Variants in MPZL1 observed in about 807,000 individuals in gnomAD.
MPZL1 encodes myelin protein zero-like protein 1.
A neutral mutation model predicts 29.3 loss-of-function variants in MPZL1; 16 were observed. That is an observed-to-expected ratio of 0.55 (90% CI 0.37 to 0.83). MPZL1 has a LOEUF of 0.83. Among genes scored for constraint, MPZL1 ranks in the 40% least tolerant of loss-of-function variants. The pLI is 0.00. For synonymous variants in MPZL1, 143 were observed against 132.0 expected (o/e 1.08, Z -0.57); for missense variants, 279 against 332.9 (o/e 0.84, Z 1.26).
chr1:167,781,141 A>T (rs1661487644), intron 5 of MPZL1, among the ~76,000 whole-genome samples: 1 of 151,686 alleles, frequency 6.6e-6, no homozygotes, highest in South Asian at 2.1e-4. Flanking sequence ...AGAAATTGAC[A>T]TATTCACAAT....
intron 1 of MPZL1, among the ~76,000 whole-genome samples, chr1:167,739,272 TAC>T (rs1160593524): frequency 1.7e-4 from 15 of 90,010 alleles, no homozygotes; most frequent in African/African-American, 1.1e-3. Context: ...CATACATATA[TAC>T]ATATATACAT....
intron 4 of MPZL1, 162 bp downstream of exon 4, chr1:167,773,530 G>A (rs1475759881): frequency 2.2e-5 from 15 of 696,898 alleles, no homozygotes; most frequent in Non-Finnish European, 3.1e-5. Context: ...ATGGGCAAGT[G>A]GAAATCAGTG....
At chr1:167,767,063 A>G (rs1198011918) in intron 2 of MPZL1, among the ~76,000 whole-genome samples, 3 of 152,228 alleles carry the variant, frequency 2.0e-5, no homozygotes, top group African/African-American at 7.2e-5. Flanking sequence ...GATTTTCTCA[A>G]AGCTTCCCAC....
At chr1:167,781,327 A>G (rs765981784) in intron 5 of MPZL1, among the ~76,000 whole-genome samples, 2 of 152,166 alleles carry the variant, frequency 1.3e-5, no homozygotes, top group African/African-American at 2.4e-5. Flanking sequence ...ATGAAAATTA[A>G]CCAAATATAG....
chr1:167,736,485 TCTC>T (rs1660381070), intron 1 of MPZL1, among the ~76,000 whole-genome samples: 1 of 151,952 alleles, frequency 6.6e-6, no homozygotes, highest in Admixed American at 6.6e-5. Flanking sequence ...TCTATATATC[TCTC>T]CTCCTCAAAC....
At chr1:167,768,876 G>A (rs1326592330) in intron 2 of MPZL1, among the ~76,000 whole-genome samples, 2 of 152,242 alleles carry the variant, frequency 1.3e-5, no homozygotes, top group Non-Finnish European at 2.9e-5. Flanking sequence ...TGGAGATGTT[G>A]TGGGAAGGGA....
At chr1:167,736,992 T>C (rs537348158) in intron 1 of MPZL1, among the ~76,000 whole-genome samples, 2 of 152,352 alleles carry the variant, frequency 1.3e-5, no homozygotes, top group East Asian at 3.9e-4. Flanking sequence ...TCGTGTATGA[T>C]ATTTTCACTC....
chr1:167,786,663 G>A (rs892239766), intron 5 of MPZL1, among the ~76,000 whole-genome samples: 3 of 152,172 alleles, frequency 2.0e-5, no homozygotes, highest in Non-Finnish European at 4.4e-5. Context: ...GTAGATGTGG[G>A]AGTAGCTGAA....
Position 167,765,682 on chromosome 1 carries a change from G to T in MPZL1, c.191G>T (p.Ser64Ile). 1 of 1,613,536 alleles carries T rather than the reference G, an allele frequency of 6.2e-7. No individual in the cohort carries two copies. The highest frequency in any genetic ancestry group is 8.5e-7 in the Non-Finnish European group (1 of 1,179,682). The stretch of plus-strand genomic sequence containing the variant: ...CTGACCTGCAAGTTCAAGTCTACTA[G>T]TACGACTGGCGGGTTGACCTCAGTC... ...GKLTCKFKST[S>I]TTGGLTSVSW... The change falls in exon 2 of 6, where the codon AGT becomes ATT. Residue 64 changes from serine to isoleucine, a missense_variant. Transcript: ENST00000359523.
chr1:167,771,105 A>G (rs1218604898), intron 2 of MPZL1, among the ~76,000 whole-genome samples: 2 of 151,810 alleles, frequency 1.3e-5, no homozygotes. Context: ...CACGTGAACA[A>G]AGGTCTCTGG....
chr1:167,753,321 G>A (rs955231204), intron 1 of MPZL1, among the ~76,000 whole-genome samples: 1 of 152,230 alleles, frequency 6.6e-6, no homozygotes, highest in African/African-American at 2.4e-5. Flanking sequence ...AGGAAAAGGA[G>A]GGTTACTTTG....
At chr1:167,747,274 G>T (rs1660665764) in intron 1 of MPZL1, among the ~76,000 whole-genome samples, 1 of 152,164 alleles carries the variant, frequency 6.6e-6, no homozygotes, top group Non-Finnish European at 1.5e-5. Flanking sequence ...AGGCCGGAGT[G>T]CAGTGGTGCG....
chr1:167,732,648 G>T (rs1660295059), intron 1 of MPZL1, among the ~76,000 whole-genome samples: 1 of 152,074 alleles, frequency 6.6e-6, no homozygotes, highest in South Asian at 2.1e-4. Context: ...GATGAGTCTA[G>T]CTCTGTTGCC....
intron 5 of MPZL1, among the ~76,000 whole-genome samples, chr1:167,778,269 C>T (rs1407409051): frequency 4.0e-5 from 6 of 150,378 alleles, no homozygotes; most frequent in African/African-American, 4.9e-5. Flanking sequence ...TGCAGTAAGC[C>T]GAGATCACAC....
At chr1:167,736,092 A>G (rs1660372036) in intron 1 of MPZL1, among the ~76,000 whole-genome samples, 1 of 152,046 alleles carries the variant, frequency 6.6e-6, no homozygotes, top group Admixed American at 6.6e-5. Flanking sequence ...TTTCCTTAAC[A>G]TGGTTGACCA....
intron 1 of MPZL1, among the ~76,000 whole-genome samples, chr1:167,728,720 T>C (rs937900624): frequency 1.3e-5 from 2 of 152,206 alleles, no homozygotes; most frequent in Admixed American, 1.3e-4. Flanking sequence ...AGTAATTTTG[T>C]AGCAACAGTG....
intron 1 of MPZL1, among the ~76,000 whole-genome samples, chr1:167,756,341 GT>G (rs1346162172): frequency 6.6e-6 from 1 of 151,544 alleles, no homozygotes; most frequent in Non-Finnish European, 1.5e-5. Context: ...ACGAGGGCTG[GT>G]CTTGAAACTC....
At chr1:167,768,189 T>TG (rs1558121651) in intron 2 of MPZL1, among the ~76,000 whole-genome samples, 3 of 152,166 alleles carry the variant, frequency 2.0e-5, no homozygotes, top group Non-Finnish European at 4.4e-5. Context: ...GGAACCTAGA[T>TG]TCCCATTGTG....
At chr1:167,770,536 C>G (rs1256930621) in intron 2 of MPZL1, among the ~76,000 whole-genome samples, 1 of 152,228 alleles carries the variant, frequency 6.6e-6, no homozygotes, top group East Asian at 1.9e-4. Context: ...GGGCTTTGTT[C>G]CTTTCACACA....
Sources: gnomAD v4.1 joint callset for allele counts (sites outside exome capture counted in the v4.1 genomes callset) on GRCh38, gnomAD v4.1.1 for gene constraint, MANE v1.5 for transcripts, NCBI Gene and HGNC (gene_info 2026-07-23, HGNC 2026-07-21) for gene names.